Variants in ROCK2 observed in about 807,000 individuals in gnomAD.
The protein encoded by ROCK2 is Rho associated coiled-coil containing protein kinase 2, also known as rho-associated protein kinase 2.
Under a neutral mutation model 195.1 loss-of-function variants are expected in ROCK2, and 61 were observed. The ratio of observed to expected loss-of-function variants is 0.31; its 90% CI spans 0.25 to 0.39. The LOEUF (loss-of-function observed/expected upper bound fraction) is 0.39. Among genes scored for constraint, ROCK2 ranks in the 10% least tolerant of loss-of-function variants. ROCK2 has a pLI of 1.00. For synonymous variants in ROCK2, 504 were observed against 545.5 expected (o/e 0.92, Z 1.06); for missense variants, 1,109 against 1,637.4 (o/e 0.68, Z 5.57).
intron 1 of ROCK2, among the ~76,000 whole-genome samples, chr2:11,337,263 A>C (rs1668958277): frequency 6.6e-6 from 1 of 151,920 alleles, no homozygotes; most frequent in Admixed American, 6.6e-5. Context: ...AAAAAAAGAG[A>C]CAGAGAGAGA....
chr2:11,335,288 A>G (rs1668895632), intron 1 of ROCK2, among the ~76,000 whole-genome samples: 2 of 152,126 alleles, frequency 1.3e-5, no homozygotes, highest in Non-Finnish European at 2.9e-5. Context: ...TAATTTAATA[A>G]TACTTTAAAG....
intron 9 of ROCK2, among the ~76,000 whole-genome samples, chr2:11,220,780 C>T (rs1664612178): frequency 6.6e-6 from 1 of 152,122 alleles, no homozygotes; most frequent in Admixed American, 6.5e-5. Flanking sequence ...CCACCTCTTC[C>T]CAGAGGTCTG....
At chr2:11,248,518 G>A (rs1258545449) in intron 4 of ROCK2, among the ~76,000 whole-genome samples, 2 of 151,620 alleles carry the variant, frequency 1.3e-5, no homozygotes, top group African/African-American at 4.9e-5. Flanking sequence ...GACCAGCCTG[G>A]CCAACATGGC....
chr2:11,308,085 G>A (rs543745791), intron 1 of ROCK2: 96 of 1,609,946 alleles, frequency 6.0e-5, no homozygotes, highest in South Asian at 4.9e-4. Context: ...GAGAGGCGCC[G>A]ACTGCGACTC....
intron 7 of ROCK2, among the ~76,000 whole-genome samples, chr2:11,224,039 C>T (rs778509687): frequency 4.6e-5 from 7 of 152,080 alleles, no homozygotes; most frequent in Admixed American, 1.3e-4. Context: ...GTGAACAACA[C>T]GAAAGTTTTA....
chr2:11,260,873 G>A lies in ROCK2; in HGVS notation c.325-11075C>T, dbSNP rs6711961. On this transcript the variant is annotated intron_variant, in intron 3 of 32. Coordinates refer to ENST00000315872, the MANE Select transcript of ROCK2 (RefSeq NM_004850.5). The stretch of plus-strand genomic sequence containing the variant: ...TTTGAATATGAGAAAAATGCTGACT[G>A]ACTTCACTTTTGGTGATTCTTCATG... Among the ~76,000 whole-genome samples the A allele has an allele frequency of 7.2e-3, 1,097 of 152,292 alleles. 16 individuals are homozygous for A. The highest frequency in any genetic ancestry group is 0.025 in the African/African-American group (1,038 of 41,544).
chr2:11,208,172 G>A (rs1236771601), intron 19 of ROCK2, 115 bp downstream of exon 19: 19 of 590,356 alleles, frequency 3.2e-5, no homozygotes, highest in Non-Finnish European at 4.0e-5. Context: ...TAAACCAACA[G>A]GTTGCAGACT....
At chr2:11,245,259 T>C (rs1665573681) in intron 4 of ROCK2, among the ~76,000 whole-genome samples, 1 of 149,044 alleles carries the variant, frequency 6.7e-6, no homozygotes, top group Admixed American at 6.7e-5. Flanking sequence ...AATTATATTA[T>C]AAATTTATAA....
chr2:11,343,366 A>G (rs10929732), intron 1 of ROCK2, among the ~76,000 whole-genome samples: 110,850 of 152,114 alleles, frequency 0.73, 42,364 homozygotes, highest in East Asian at 0.94. Context: ...AATGAAGAGG[A>G]CAGATTTATT....
At chr2:11,227,466 A>T in intron 5 of ROCK2, 68 bp from the exon 6 acceptor site, 7 of 1,392,762 alleles carry the variant, frequency 5.0e-6, no homozygotes, top group Non-Finnish European at 5.9e-6. Context: ...AATGCAATGA[A>T]TCCATTTATT....
intron 1 of ROCK2, among the ~76,000 whole-genome samples, chr2:11,337,149 GA>G (rs1668953914): frequency 6.6e-6 from 1 of 151,902 alleles, no homozygotes; most frequent in Admixed American, 6.6e-5. Context: ...GGAGGCTGAG[GA>G]GGGAGAATCA....
chr2:11,303,554 G>A (rs1343395038), intron 1 of ROCK2, among the ~76,000 whole-genome samples: 1 of 151,830 alleles, frequency 6.6e-6, no homozygotes, highest in Non-Finnish European at 1.5e-5. Context: ...TCTTCTCGCC[G>A]CCTTCTCTAC....
intron 32 of ROCK2, among the ~76,000 whole-genome samples, chr2:11,183,895 T>C (rs573138780): frequency 1.3e-5 from 2 of 152,300 alleles, no homozygotes; most frequent in South Asian, 4.1e-4. Flanking sequence ...TTGTAGTAAA[T>C]ATATACAAGC....
intron 1 of ROCK2, among the ~76,000 whole-genome samples, chr2:11,324,653 T>C (rs1668495142): frequency 6.6e-6 from 1 of 152,174 alleles, no homozygotes; most frequent in African/African-American, 2.4e-5. Flanking sequence ...TTAAAATGCA[T>C]ATTGCTAAGT....
chr2:11,211,928 CAG>C, intron 17 of ROCK2, 88 bp from the exon 18 acceptor site: 4 of 960,268 alleles, frequency 4.2e-6, no homozygotes, highest in Non-Finnish European at 4.4e-6. Context: ...TTTTTTGAGA[CAG>C]AGTCTTGCTC....
chr2:11,214,046 T>C (rs557393344), intron 17 of ROCK2, among the ~76,000 whole-genome samples: 1 of 152,220 alleles, frequency 6.6e-6, no homozygotes, highest in Non-Finnish European at 1.5e-5. Context: ...GGTGACTTTA[T>C]ATATGGCATT....
chr2:11,202,463 A>C (rs1249448601), intron 20 of ROCK2, among the ~76,000 whole-genome samples: 1 of 151,320 alleles, frequency 6.6e-6, no homozygotes, highest in Non-Finnish European at 1.5e-5. Flanking sequence ...ACAAAAACTC[A>C]TTTGGAACCC....
intron 25 of ROCK2, among the ~76,000 whole-genome samples, chr2:11,198,081 T>G (rs551589029): frequency 6.6e-6 from 1 of 152,326 alleles, no homozygotes; most frequent in Non-Finnish European, 1.5e-5. Flanking sequence ...TAATAAAATA[T>G]TCTATGTGCA....
At chr2:11,252,733 T>C (rs1352157702) in intron 3 of ROCK2, among the ~76,000 whole-genome samples, 1 of 151,926 alleles carries the variant, frequency 6.6e-6, no homozygotes, top group Admixed American at 6.6e-5. Context: ...TTCCCACTCA[T>C]AAGTGGGAGT....
Sources: allele counts gnomAD v4.1 joint callset (sites outside exome capture counted in the v4.1 genomes callset), GRCh38; gene constraint gnomAD v4.1.1; transcripts MANE v1.5; gene names NCBI Gene and HGNC (gene_info 2026-07-23, HGNC 2026-07-21).